Variants in ENKUR observed in about 807,000 individuals in gnomAD.
The protein encoded by ENKUR is enkurin, TRPC channel interacting protein.
A neutral mutation model predicts 27.6 loss-of-function variants in ENKUR; 19 were observed. The ratio of observed to expected loss-of-function variants is 0.69; its 90% CI spans 0.48 to 1.01. The LOEUF (loss-of-function observed/expected upper bound fraction) is 1.01. Ranked by LOEUF, ENKUR falls within the 50% of genes least tolerant of loss-of-function variation. The pLI is 0.00. For synonymous variants in ENKUR, 117 were observed against 96.9 expected, an observed-to-expected ratio of 1.21 and a Z score of -1.22; for missense variants, 312 against 310.5, an observed-to-expected ratio of 1.00 and a Z score of -0.04.
chr10:25,034,109 A>G (rs908227500), intron 2 of ENKUR, among the ~76,000 whole-genome samples: 73 of 152,082 alleles, frequency 4.8e-4, no homozygotes, highest in Non-Finnish European at 8.1e-4. Flanking sequence ...GCAAAAAAAA[A>G]TGAAAGCATT....
At chr10:25,049,434 T>A (rs759601565) in intron 2 of ENKUR, among the ~76,000 whole-genome samples, 3 of 152,070 alleles carry the variant, frequency 2.0e-5, no homozygotes, top group Non-Finnish European at 4.4e-5. Context: ...GTTACAGATG[T>A]CAGGAGATCA....
chr10:24,990,527 T>C lies in ENKUR; in HGVS notation c.530A>G (p.Gln177Arg), dbSNP rs147531808. 295 of 1,614,146 alleles carry C rather than the reference T, an allele frequency of 1.8e-4. No homozygotes were observed. In the East Asian group the frequency reaches 4.1e-3, roughly 22 times the overall value. The change falls in exon 4 of 6, where the codon CAG becomes CGG. Residue 177 changes from glutamine (Q) to arginine (R), a missense_variant. Gln to Arg is a conservative substitution (Grantham distance 43). Coordinates refer to ENST00000331161, the MANE Select transcript of ENKUR (RefSeq NM_145010.4). Reference sequence around the variant, plus strand: ...CATAGCTGCTTTCTTAAGGTTTTCCTGGATATAACGATCATAGTCTTCTTG... The same window carrying C: ...CATAGCTGCTTTCTTAAGGTTTTCCCGGATATAACGATCATAGTCTTCTTG... ...KAQEDYDRYIQENLKKAAMKR... is the reference protein window; with the variant it reads ...KAQEDYDRYIRENLKKAAMKR...
At chr10:25,014,328 T>C (rs1365568195) in intron 1 of ENKUR, among the ~76,000 whole-genome samples, 1 of 152,160 alleles carries the variant, frequency 6.6e-6, no homozygotes, top group Admixed American at 6.5e-5. Context: ...TCTTTTGGCA[T>C]CACATTTGGG....
intron 2 of ENKUR, chr10:25,023,093 T>A: frequency 2.4e-6 from 2 of 831,340 alleles, no homozygotes; most frequent in Non-Finnish European, 3.7e-6. Context: ...TTATATTCAG[T>A]CCTATTGGGA....
chr10:24,997,271 C>T (rs559177290), intron 2 of ENKUR, among the ~76,000 whole-genome samples: 2 of 152,150 alleles, frequency 1.3e-5, no homozygotes, highest in East Asian at 3.9e-4. Context: ...AAGCAAAAAT[C>T]AACTAATCCT....
At position 24,999,906 on chromosome 10, in the gene ENKUR, C is replaced by G. The variant is rs546298155; in HGVS notation, c.78-360G>C. Among the ~76,000 whole-genome samples the G allele has an allele frequency of 2.0e-5, 3 of 152,220 alleles. No homozygotes were observed. The South Asian group carries it at 6.2e-4, about 32-fold the overall frequency. ...GGGGTCTATTAATTTTATGAATCTT[C>G]TTATAGAACCAGAATTTCATTGATT... On this transcript the variant is annotated intron_variant, in intron 1 of 5. Transcript: ENST00000331161.
rs975227539 is a variant in ENKUR, at chr10:24,990,530, A to G, written c.527T>C (p.Ile176Thr). Residue 176 changes from isoleucine (I) to threonine (T), a missense_variant, in exon 4 of 6, where the codon ATC becomes ACC. Coordinates refer to ENST00000331161, the MANE Select transcript of ENKUR (RefSeq NM_145010.4). ...KKAQEDYDRY[I>T]QENLKKAAMK... ...AGCTGCTTTCTTAAGGTTTTCCTGG[A>G]TATAACGATCATAGTCTTCTTGGGC... 1 of 1,614,086 alleles carries G rather than the reference A, an allele frequency of 6.2e-7. No individual in the cohort carries two copies. The highest frequency in any genetic ancestry group is 1.3e-5 in the African/African-American group (1 of 75,056).
upstream of ENKUR, among the ~76,000 whole-genome samples, chr10:25,016,504 G>A (rs1234269153): frequency 2.6e-5 from 4 of 152,202 alleles, no homozygotes; most frequent in Non-Finnish European, 5.9e-5. Flanking sequence ...GGCCAGCGCC[G>A]CCAGGGAGAC....
chr10:25,027,357 CAAAAAAAAA>C (rs71399946), intron 2 of ENKUR, among the ~76,000 whole-genome samples: 7 of 48,492 alleles, frequency 1.4e-4, no homozygotes, highest in Admixed American at 5.5e-4. Context: ...ACTCCCGTCT[CAAAAAAAAA>C]AAAAAAAAAA....
At chr10:25,041,650 C>T (rs1015122319) in intron 2 of ENKUR, among the ~76,000 whole-genome samples, 1 of 152,094 alleles carries the variant, frequency 6.6e-6, no homozygotes, top group African/African-American at 2.4e-5. Context: ...GATCTATTGT[C>T]AAGTTTACTG....
At chr10:25,020,329 CAA>C (rs950834599), upstream of ENKUR, among the ~76,000 whole-genome samples, 1 of 151,148 alleles carries the variant, frequency 6.6e-6, no homozygotes, top group African/African-American at 2.4e-5. Context: ...AATTTAAAAA[CAA>C]GAGGGTAGAG....
At chr10:25,000,946 T>C (rs1477453404) in intron 1 of ENKUR, among the ~76,000 whole-genome samples, 1 of 152,122 alleles carries the variant, frequency 6.6e-6, no homozygotes, top group African/African-American at 2.4e-5. Flanking sequence ...AGCAATATTA[T>C]AGCATTTAAC....
At chr10:25,040,805 A>G (rs2130470776) in intron 2 of ENKUR, among the ~76,000 whole-genome samples, 1 of 152,312 alleles carries the variant, frequency 6.6e-6, no homozygotes, top group South Asian at 2.1e-4. Context: ...TAGTTTGACC[A>G]TTTGGTTTTC....
intron 1 of ENKUR, among the ~76,000 whole-genome samples, chr10:25,011,407 C>G (rs1049949066): frequency 1.1e-4 from 17 of 152,064 alleles, no homozygotes; most frequent in Admixed American, 1.0e-3. Context: ...CCTATTCACT[C>G]TGATGGTAGT....
intron 2 of ENKUR, among the ~76,000 whole-genome samples, chr10:25,028,037 G>A (rs1223437963): frequency 6.6e-6 from 1 of 152,136 alleles, no homozygotes; most frequent in South Asian, 2.1e-4. Flanking sequence ...ATTACTATGG[G>A]ATAGTCAGAA....
intron 2 of ENKUR, among the ~76,000 whole-genome samples, chr10:25,022,265 G>A (rs1358361409): frequency 1.3e-5 from 2 of 152,126 alleles, no homozygotes; most frequent in Non-Finnish European, 1.5e-5. Context: ...AGCTTCTTTG[G>A]ATGCCAGAAT....
intron 2 of ENKUR, among the ~76,000 whole-genome samples, chr10:25,043,893 C>CTT (rs36019656): frequency 1.4e-5 from 2 of 142,996 alleles, no homozygotes; most frequent in Admixed American, 6.9e-5. Context: ...TTCAGATATT[C>CTT]TTTTTTTTTT....
chr10:25,019,681 C>G (rs1455828415), upstream of ENKUR, among the ~76,000 whole-genome samples: 2 of 152,182 alleles, frequency 1.3e-5, no homozygotes, highest in Non-Finnish European at 2.9e-5. Flanking sequence ...GCAGATTTTT[C>G]TCACTCTAAA....
At chr10:24,990,964 G>T (rs150067846) in intron 3 of ENKUR, among the ~76,000 whole-genome samples, 8 of 152,200 alleles carry the variant, frequency 5.3e-5, no homozygotes, top group Admixed American at 5.2e-4. Context: ...GCCAGGCATC[G>T]TGGCATGTGC....
Sources: allele counts gnomAD v4.1 joint callset (sites outside exome capture counted in the v4.1 genomes callset), GRCh38; gene constraint gnomAD v4.1.1; transcripts MANE v1.5; gene names NCBI Gene and HGNC (gene_info 2026-07-23, HGNC 2026-07-21).